EPB41L5: variants seen among roughly 807,000 people sequenced by gnomAD.
The protein encoded by EPB41L5 is band 4.1-like protein 5.
In EPB41L5, 55 loss-of-function variants were observed where a neutral mutation model predicts 106.6. That is an observed-to-expected ratio of 0.52 (90% CI 0.42 to 0.65). The LOEUF (loss-of-function observed/expected upper bound fraction) is 0.65, where lower values mean the gene tolerates loss of function less well. EPB41L5 is among the 30% of genes least tolerant of loss of function. The pLI, the probability that EPB41L5 is intolerant of heterozygous loss-of-function variation, is 0.00. For missense variants in EPB41L5, 871 were observed against 882.1 expected (o/e 0.99, Z 0.16); for synonymous variants, 297 against 306.7 (o/e 0.97, Z 0.33).
At chr2:120,105,505 C>T in intron 16 of EPB41L5, 3 of 985,216 alleles carry the variant, frequency 3.0e-6, no homozygotes, top group Non-Finnish European at 3.6e-6. Flanking sequence ...TGGTTTAATA[C>T]TGAATGGTTG....
At position 120,131,678 on chromosome 2, in the gene EPB41L5, C is replaced by T. The variant is rs562880353; in HGVS notation, c.1562C>T (p.Ser521Phe). 9 of 1,613,750 alleles carry T rather than the reference C, an allele frequency of 5.6e-6. No homozygotes were observed. In the South Asian group the frequency reaches 9.9e-5, roughly 18 times the overall value. ...GAGATGGAGAACAGTCCTTTGCTGT[C>T]CCCTCGATCCAACATCGATGTTAAC... ...QLEMENSPLL[S>F]PRSNIDVNIN... The change falls in exon 18 of 25, where the codon TCC becomes TTC. Residue 521 changes from serine (S) to phenylalanine (F), a missense_variant. Physicochemically the swap from Ser to Phe is radical, Grantham distance 155. Transcript: ENST00000263713.
chr2:120,102,086 G>A (rs1216556552), intron 16 of EPB41L5, among the ~76,000 whole-genome samples: 1 of 152,114 alleles, frequency 6.6e-6, no homozygotes, highest in Non-Finnish European at 1.5e-5. Flanking sequence ...CTGTTTGCAA[G>A]GAAAAATAGT....
intron 22 of EPB41L5, among the ~76,000 whole-genome samples, chr2:120,166,803 G>C (rs1280048906): frequency 2.0e-5 from 3 of 152,176 alleles, no homozygotes; most frequent in Non-Finnish European, 4.4e-5. Context: ...TTTTTCTTAT[G>C]AGTATGTAAG....
chr2:120,170,501 T>C (rs1687628747), intron 24 of EPB41L5, among the ~76,000 whole-genome samples: 1 of 152,226 alleles, frequency 6.6e-6, no homozygotes, highest in Non-Finnish European at 1.5e-5. Flanking sequence ...TAGCTGGTGA[T>C]TGCCAAGAAG....
intron 3 of EPB41L5, among the ~76,000 whole-genome samples, chr2:120,070,854 A>G (rs1681813804): frequency 6.6e-6 from 1 of 152,210 alleles, no homozygotes; most frequent in Non-Finnish European, 1.5e-5. Flanking sequence ...AATAAGAGCT[A>G]TTTATGACAA....
chr2:120,082,639 T>A (rs1262987251), intron 10 of EPB41L5, among the ~76,000 whole-genome samples: 1 of 152,174 alleles, frequency 6.6e-6, no homozygotes, highest in Non-Finnish European at 1.5e-5. Flanking sequence ...TAGGGAAGAT[T>A]CCCTCTTTTT....
At chr2:120,024,098 A>G (rs2678342) in intron 2 of EPB41L5, among the ~76,000 whole-genome samples, 37,438 of 152,096 alleles carry the variant, frequency 0.25, 4,892 homozygotes, top group South Asian at 0.35. Flanking sequence ...GGGGTTTTCT[A>G]GATATACAAT....
At chr2:120,135,837 G>A (rs1233337563) in intron 18 of EPB41L5, among the ~76,000 whole-genome samples, 3 of 152,118 alleles carry the variant, frequency 2.0e-5, no homozygotes, top group Non-Finnish European at 4.4e-5. Context: ...AAGAAATGCT[G>A]AAAGGAGTTC....
chr2:120,078,355 T>C (rs1466593924), intron 9 of EPB41L5, 138 bp from the exon 10 acceptor site: 3 of 418,556 alleles, frequency 7.2e-6, no homozygotes, highest in Non-Finnish European at 1.3e-5. Context: ...ACTCTAATTG[T>C]TGAAAACATC....
At chr2:120,131,226 G>A (rs535130840) in intron 17 of EPB41L5, among the ~76,000 whole-genome samples, 17 of 152,268 alleles carry the variant, frequency 1.1e-4, no homozygotes, top group Non-Finnish European at 2.4e-4. Flanking sequence ...CAGGGCCAAC[G>A]AACAAAGATG....
intron 14 of EPB41L5, among the ~76,000 whole-genome samples, chr2:120,099,984 T>G: frequency 6.6e-6 from 1 of 152,204 alleles, no homozygotes. Context: ...GAAGTATACC[T>G]CTAAAGCATG....
rs183987789 is a variant in EPB41L5, at chr2:120,143,142, T to G, written c.1728+11T>G. The G allele has an allele frequency of 2.4e-5, 38 of 1,567,164 alleles. No individual in the cohort carries two copies. The Admixed American group carries it at 5.5e-4, about 23-fold the overall frequency. Reference sequence around the variant, plus strand: ...GAAGCAGTGCATAAGGTAAGCTGCCTTTGATAGATAGCCCTGGTGAAGTGA... The same window carrying G: ...GAAGCAGTGCATAAGGTAAGCTGCCGTTGATAGATAGCCCTGGTGAAGTGA... On this transcript the variant is annotated intron_variant, in intron 19 of 24. Coordinates refer to ENST00000263713, the MANE Select transcript of EPB41L5 (RefSeq NM_020909.4).
intron 3 of EPB41L5, among the ~76,000 whole-genome samples, chr2:120,054,535 ACTCCAG>A: frequency 1.7e-3 from 1 of 598 alleles, no homozygotes; most frequent in Non-Finnish European, 4.3e-3. Context: ...CACTCTTCTC[ACTCCAG>A]TCACCAGGCT....
intron 21 of EPB41L5, among the ~76,000 whole-genome samples, chr2:120,162,531 C>T (rs1687178688): frequency 6.6e-6 from 1 of 152,096 alleles, no homozygotes; most frequent in South Asian, 2.1e-4. Context: ...AAAGAAAAAA[C>T]CCAACCTAAA....
At chr2:120,025,258 C>G (rs1678226325) in intron 2 of EPB41L5, among the ~76,000 whole-genome samples, 1 of 152,150 alleles carries the variant, frequency 6.6e-6, no homozygotes, top group Non-Finnish European at 1.5e-5. Context: ...TCCATTTCTT[C>G]TAGATTTTGT....
chr2:120,077,165 A>G (rs1682304213), intron 8 of EPB41L5, 64 bp from the exon 9 acceptor site: 2 of 1,584,678 alleles, frequency 1.3e-6, no homozygotes, highest in Non-Finnish European at 8.6e-7. Flanking sequence ...TTCTGTTTCT[A>G]TCCTTGGTAT....
chr2:120,045,705 A>T (rs534018081), intron 3 of EPB41L5, among the ~76,000 whole-genome samples: 4 of 152,234 alleles, frequency 2.6e-5, no homozygotes, highest in African/African-American at 9.6e-5. Flanking sequence ...TCTAGGATAC[A>T]TGTGCACAAC....
chr2:120,086,513 A>G lies in EPB41L5; in HGVS notation c.804-658A>G, dbSNP rs572588062. Among the ~76,000 whole-genome samples, 47 of 152,214 alleles carry G rather than the reference A, an allele frequency of 3.1e-4. No individual in the cohort carries two copies. The East Asian group carries it at 7.4e-3, about 24-fold the overall frequency. Reference sequence around the variant, plus strand: ...TGCAGTGGCTCACGTCTGAATTCCAACACTTTGGGAGACCAGGGTATGCGG... The same window carrying G: ...TGCAGTGGCTCACGTCTGAATTCCAGCACTTTGGGAGACCAGGGTATGCGG... On this transcript the variant is annotated intron_variant, in intron 10 of 24. Coordinates refer to ENST00000263713, the MANE Select transcript of EPB41L5 (RefSeq NM_020909.4).
intron 16 of EPB41L5, among the ~76,000 whole-genome samples, chr2:120,123,403 T>C (rs576208479): frequency 0.15 from 133 of 860 alleles, no homozygotes; most frequent in African/African-American, 0.17. Flanking sequence ...AGTTGATCAC[T>C]TGTTTTAGAA....
Sources: gnomAD v4.1 joint callset for allele counts (sites outside exome capture counted in the v4.1 genomes callset) on GRCh38, gnomAD v4.1.1 for gene constraint, MANE v1.5 for transcripts, NCBI Gene and HGNC (gene_info 2026-07-23, HGNC 2026-07-21) for gene names.